The following ZNF385D variants were observed in gnomAD, a reference collection of about 807,000 sequenced individuals.
ZNF385D encodes zinc finger protein 385D.
Under a neutral mutation model 35.8 loss-of-function variants are expected in ZNF385D, and 15 were observed. That is an observed-to-expected ratio of 0.42 (90% confidence interval 0.28 to 0.64). The LOEUF (loss-of-function observed/expected upper bound fraction) is 0.64, where lower values mean the gene tolerates loss of function less well. Ranked by LOEUF, ZNF385D falls within the 30% of genes least tolerant of loss-of-function variation. ZNF385D has a pLI of 0.23. For synonymous variants in ZNF385D, 212 were observed against 186.8 expected (o/e 1.13, Z -1.10); for missense variants, 474 against 494.6 (o/e 0.96, Z 0.39).
intron 2 of ZNF385D, among the ~76,000 whole-genome samples, chr3:21,587,454 T>TTCTC (rs1175863051): frequency 6.6e-6 from 1 of 152,194 alleles, no homozygotes; most frequent in Non-Finnish European, 1.5e-5. Flanking sequence ...AGGCTCATTC[T>TTCTC]TCTCATTTGG....
intron 2 of ZNF385D, among the ~76,000 whole-genome samples, chr3:22,330,092 T>C (rs1164261712): frequency 6.6e-6 from 1 of 152,196 alleles, no homozygotes; most frequent in South Asian, 2.1e-4. Flanking sequence ...CTGAGCTAAC[T>C]CTAGTATTTA....
At chr3:21,845,401 A>G (rs923532136) in intron 3 of ZNF385D, among the ~76,000 whole-genome samples, 6 of 152,014 alleles carry the variant, frequency 3.9e-5, no homozygotes, top group African/African-American at 1.4e-4. Flanking sequence ...TAACGCTATT[A>G]TATTTTCTCT....
chr3:21,882,945 G>T (rs1001060801), intron 3 of ZNF385D, among the ~76,000 whole-genome samples: 1 of 151,936 alleles, frequency 6.6e-6, no homozygotes, highest in African/African-American at 2.4e-5. Context: ...ATTGCATTTA[G>T]AATATTTACT....
chr3:21,685,659 A>G (rs895446567), intron 1 of ZNF385D, among the ~76,000 whole-genome samples: 3 of 152,244 alleles, frequency 2.0e-5, no homozygotes, highest in Non-Finnish European at 4.4e-5. Flanking sequence ...GGCTCTGAAT[A>G]GCATGGCTCA....
intron 2 of ZNF385D, among the ~76,000 whole-genome samples, chr3:22,184,039 G>C (rs1401693128): frequency 6.6e-6 from 1 of 152,064 alleles, no homozygotes; most frequent in Non-Finnish European, 1.5e-5. Flanking sequence ...CAATTCTCTG[G>C]TGAATTCAAA....
upstream of ZNF385D, among the ~76,000 whole-genome samples, chr3:21,752,967 G>T (rs1480448307): frequency 6.6e-6 from 1 of 152,144 alleles, no homozygotes. Flanking sequence ...GGGCACTGTA[G>T]TTTAATGTTA....
chr3:21,995,073 T>C (rs1337574736), intron 3 of ZNF385D, among the ~76,000 whole-genome samples: 1 of 152,186 alleles, frequency 6.6e-6, no homozygotes, highest in East Asian at 1.9e-4. Flanking sequence ...AATAAGTGGA[T>C]AGGTCGTCAG....
At chr3:21,976,822 C>T (rs1216283903) in intron 3 of ZNF385D, among the ~76,000 whole-genome samples, 1 of 152,114 alleles carries the variant, frequency 6.6e-6, no homozygotes, top group Non-Finnish European at 1.5e-5. Context: ...GAAACCCCAT[C>T]TCTGCTAAAA....
intron 3 of ZNF385D, among the ~76,000 whole-genome samples, chr3:21,915,888 T>G (rs898445895): frequency 1.3e-5 from 2 of 152,124 alleles, no homozygotes; most frequent in Non-Finnish European, 2.9e-5. Context: ...TAACTCAGAA[T>G]GAGGTTTTCT....
intron 2 of ZNF385D, among the ~76,000 whole-genome samples, chr3:22,189,878 A>G (rs954428423): frequency 6.6e-6 from 1 of 152,128 alleles, no homozygotes; most frequent in Non-Finnish European, 1.5e-5. Context: ...TTCATTAAGC[A>G]CAAGCATTTC....
intron 3 of ZNF385D, among the ~76,000 whole-genome samples, chr3:21,818,765 A>T (rs2073270044): frequency 6.6e-6 from 1 of 152,046 alleles, no homozygotes; most frequent in African/African-American, 2.4e-5. Context: ...AACATTCATT[A>T]TCCAAATATA....
chr3:21,745,388 G>C (rs2069719391), intron 1 of ZNF385D, among the ~76,000 whole-genome samples: 1 of 152,200 alleles, frequency 6.6e-6, no homozygotes, highest in Admixed American at 6.5e-5. Flanking sequence ...AGGGTTTCAT[G>C]AAAATACCTT....
intron 2 of ZNF385D, among the ~76,000 whole-genome samples, chr3:22,213,866 G>C (rs1697682870): frequency 6.6e-6 from 1 of 152,002 alleles, no homozygotes; most frequent in South Asian, 2.1e-4. Context: ...TGTGACATGT[G>C]TATTCTCTCC....
chr3:21,840,184 C>T (rs1695573642), intron 3 of ZNF385D, among the ~76,000 whole-genome samples: 1 of 151,946 alleles, frequency 6.6e-6, no homozygotes, highest in African/African-American at 2.4e-5. Flanking sequence ...TCAGTGACAA[C>T]AGAGGGTATA....
intron 3 of ZNF385D, among the ~76,000 whole-genome samples, chr3:21,768,226 C>T (rs905876828): frequency 3.9e-5 from 6 of 152,032 alleles, no homozygotes; most frequent in African/African-American, 1.4e-4. Context: ...AGAGTTATTA[C>T]CTATTTTATA....
intron 3 of ZNF385D, among the ~76,000 whole-genome samples, chr3:21,923,240 G>T (rs1311192579): frequency 1.3e-5 from 2 of 150,652 alleles, no homozygotes; most frequent in African/African-American, 4.9e-5. Flanking sequence ...GTGTCCAAGT[G>T]TTCTCATTGT....
chr3:21,771,205 G>A (rs1321995114), intron 3 of ZNF385D, among the ~76,000 whole-genome samples: 45 of 151,696 alleles, frequency 3.0e-4, no homozygotes, highest in Middle Eastern at 3.4e-3. Flanking sequence ...AAACCTGCAC[G>A]TTGTGGACAT....
At chr3:22,364,475 A>G (rs918815351) in intron 2 of ZNF385D, among the ~76,000 whole-genome samples, 12 of 152,112 alleles carry the variant, frequency 7.9e-5, no homozygotes, top group African/African-American at 2.7e-4. Context: ...AGACATACAA[A>G]TGGCTAACGA....
At chr3:21,900,665 T>A (rs921517053) in intron 3 of ZNF385D, among the ~76,000 whole-genome samples, 6 of 152,014 alleles carry the variant, frequency 3.9e-5, no homozygotes, top group African/African-American at 9.7e-5. Context: ...GAAGTTAAAT[T>A]GAAAAAATAA....
Sources: allele counts gnomAD v4.1 joint callset (sites outside exome capture counted in the v4.1 genomes callset), GRCh38; gene constraint gnomAD v4.1.1; transcripts MANE v1.5; gene names NCBI Gene and HGNC (gene_info 2026-07-23, HGNC 2026-07-21).